Variants in ERAP2 observed in about 807,000 individuals in gnomAD.
The protein encoded by ERAP2 is leukocyte-derived arginine aminopeptidase.
Under a neutral mutation model 111.1 loss-of-function variants are expected in ERAP2, and 118 were observed. The observed-to-expected ratio is 1.06, with a 90% CI of 0.92 to 1.24. The LOEUF is 1.24. ERAP2 is among the 50% of genes most tolerant of loss of function. ERAP2 has a pLI of 0.00. For missense variants in ERAP2, 1,131 were observed against 1,125.8 expected (o/e 1.00, Z -0.07); for synonymous variants, 410 against 401.2 (o/e 1.02, Z -0.26).
At chr5:96,907,979 A>G (rs564100572) in intron 13 of ERAP2, among the ~76,000 whole-genome samples, 7 of 152,306 alleles carry the variant, frequency 4.6e-5, no homozygotes, top group East Asian at 1.9e-4. Context: ...AAAAATTTCC[A>G]TAAGTCTGTT....
intron 3 of ERAP2, among the ~76,000 whole-genome samples, chr5:96,885,338 C>T (rs1274224229): frequency 1.3e-5 from 2 of 152,182 alleles, no homozygotes; most frequent in African/African-American, 4.8e-5. Flanking sequence ...ATCCAGAGAA[C>T]ACTGGTTGAA....
intron 9 of ERAP2, among the ~76,000 whole-genome samples, chr5:96,898,845 C>T (rs922495870): frequency 6.6e-6 from 1 of 152,174 alleles, no homozygotes; most frequent in East Asian, 1.9e-4. Flanking sequence ...TCCATGCTTC[C>T]GCTTAAGCTT....
At chr5:96,876,621 G>A (rs1561350986) in intron 1 of ERAP2, 94 bp downstream of exon 1, 1 of 152,356 alleles carries the variant, frequency 6.6e-6, no homozygotes, top group African/African-American at 2.4e-5. Context: ...GTGTTGAGAA[G>A]GTTTTGTAAT....
At position 96,891,471 on chromosome 5, in the gene ERAP2, G is replaced by T. The variant is rs528687823; in HGVS notation, c.971-828G>T. Among the ~76,000 whole-genome samples, 72 of 101,434 alleles carry T rather than the reference G, an allele frequency of 7.1e-4. No individual in the cohort carries two copies. The South Asian group carries it at 0.025, about 36-fold the overall frequency. 66.5% of individuals were successfully genotyped at this position (101,434 alleles called of 152,430 possible). A position where few individuals can be genotyped will look rare whatever the true frequency, so the allele number is the denominator to read the frequency against. Reference sequence around the variant, plus strand: ...TATATACACACACACACATATACAGGTATATATATATATGTGTGTGTGTGT... The same window carrying T: ...TATATACACACACACACATATACAGTTATATATATATATGTGTGTGTGTGT... On this transcript the variant is annotated intron_variant, in intron 5 of 18. Transcript: ENST00000437043.
Position 96,888,399 on chromosome 5 carries a change from G to A in ERAP2, c.850-786G>A, listed in dbSNP as rs115790174. On this transcript the variant is annotated intron_variant, in intron 4 of 18. Coordinates refer to ENST00000437043, the MANE Select transcript of ERAP2 (RefSeq NM_022350.5). ...CTACAACTTTCAGCCTGGGTGATCT[G>A]GAGCAAGTTACTAAATCATTATGTG... Among the ~76,000 whole-genome samples, 580 of 152,288 alleles carry A rather than the reference G, an allele frequency of 3.8e-3. 1 individual carries two copies. The highest frequency in any genetic ancestry group is 4.7e-3 in the Non-Finnish European group (320 of 68,014).
Position 96,919,459 on chromosome 5 carries a change from A to G in ERAP2, c.*1854A>G, listed in dbSNP as rs1787755216. 1 of 152,334 alleles carries G rather than the reference A, an allele frequency of 6.6e-6. No individual in the cohort carries two copies. The highest frequency in any genetic ancestry group is 2.4e-5 in the African/African-American group (1 of 41,452). 9.4% of individuals were successfully genotyped at this position (152,334 alleles called of 1,614,324 possible). ...TACTGGTTTTTTTCAACAAGACCAT[A>G]TGTAAATTAAATAGTGAAATGTGTA... On this transcript the variant is annotated 3_prime_UTR_variant, in exon 19 of 19. Transcript: ENST00000437043.
chr5:96,898,790 C>G (rs1368367610), intron 9 of ERAP2, among the ~76,000 whole-genome samples: 2 of 151,864 alleles, frequency 1.3e-5, no homozygotes, highest in Non-Finnish European at 2.9e-5. Context: ...ATGCTCTTTA[C>G]TATCCATTTC....
At position 96,903,576 on chromosome 5, in the gene ERAP2, C is replaced by T. The variant is rs769741529; in HGVS notation, c.2012+16C>T. 20 of 1,580,314 alleles carry T rather than the reference C, an allele frequency of 1.3e-5. No individual in the cohort carries two copies. In the Admixed American group the frequency reaches 2.4e-4, roughly 19 times the overall value. On this transcript the variant is annotated intron_variant, in intron 13 of 18. Coordinates refer to ENST00000437043, the MANE Select transcript of ERAP2 (RefSeq NM_022350.5). ...AGCTAGTTGGGTAAGGCAACATTTCCTCTGACTTCATGCAAAATAACTGAT... is the reference window on the plus strand; with the variant it reads ...AGCTAGTTGGGTAAGGCAACATTTCTTCTGACTTCATGCAAAATAACTGAT...
At chr5:96,905,876 CA>C (rs1443911725) in intron 13 of ERAP2, among the ~76,000 whole-genome samples, 1 of 151,296 alleles carries the variant, frequency 6.6e-6, no homozygotes, top group Admixed American at 6.6e-5. Flanking sequence ...AACAAACAAA[CA>C]AAAAAGAATC....
chr5:96,903,226 A>G, intron 12 of ERAP2, 151 bp from the exon 13 acceptor site: 1 of 579,796 alleles, frequency 1.7e-6, no homozygotes, highest in African/African-American at 1.9e-5. Context: ...GAAATCATCC[A>G]GTGAACTACG....
chr5:96,899,811 T>C (rs1447933571), intron 9 of ERAP2, among the ~76,000 whole-genome samples: 1 of 152,186 alleles, frequency 6.6e-6, no homozygotes, highest in East Asian at 1.9e-4. Flanking sequence ...AGGACCTTTC[T>C]TAAGGGAAAG....
intron 5 of ERAP2, 112 bp from the exon 6 acceptor site, chr5:96,892,187 A>G (rs1784453895): frequency 3.6e-6 from 4 of 1,112,746 alleles, no homozygotes; most frequent in Non-Finnish European, 5.2e-6. Context: ...TGATGTTTTC[A>G]AAAAGTCTGC....
intron 4 of ERAP2, among the ~76,000 whole-genome samples, chr5:96,887,913 G>A (rs1783928049): frequency 6.6e-6 from 1 of 152,174 alleles, no homozygotes; most frequent in Non-Finnish European, 1.5e-5. Context: ...ATCGCCTGAG[G>A]TCAGGAGTTT....
At position 96,919,265 on chromosome 5, in the gene ERAP2, T is replaced by C. The variant is rs984412144; in HGVS notation, c.*1660T>C. On this transcript the variant is annotated 3_prime_UTR_variant, in exon 19 of 19. Transcript: ENST00000437043. ...TGGCCATGGATGTGCCCCAATACAGTACACATTTTTTGGTTAAATTTGTTT... is the reference window on the plus strand; with the variant it reads ...TGGCCATGGATGTGCCCCAATACAGCACACATTTTTTGGTTAAATTTGTTT... The C allele has an allele frequency of 2.0e-5, 3 of 152,354 alleles. No homozygotes were observed. Among genetic ancestry groups the C allele is most frequent in the Admixed American group, 1.3e-4 (2 of 15,282 alleles). 9.4% of individuals were successfully genotyped at this position (152,354 alleles called of 1,614,324 possible).
At chr5:96,908,126 C>T (rs989511714) in intron 13 of ERAP2, among the ~76,000 whole-genome samples, 7 of 152,124 alleles carry the variant, frequency 4.6e-5, no homozygotes, top group African/African-American at 1.7e-4. Flanking sequence ...AGGTAGAGCA[C>T]TATGTTAATG....
chr5:96,913,297 A>T lies in ERAP2; in HGVS notation c.2517-20A>T. ...ACATAATACCTACTATTTAGAAACA[A>T]ATTATTTTTCTTTCTTCAGGTTAAT... On this transcript the variant is annotated intron_variant, in intron 16 of 18. Transcript: ENST00000437043. 2 of 1,607,424 alleles carry T rather than the reference A, an allele frequency of 1.2e-6. No individual in the cohort carries two copies. The highest frequency in any genetic ancestry group is 1.7e-6 in the Non-Finnish European group (2 of 1,175,018).
At chr5:96,897,690 A>G (rs1785004326) in intron 9 of ERAP2, among the ~76,000 whole-genome samples, 1 of 152,210 alleles carries the variant, frequency 6.6e-6, no homozygotes, top group Non-Finnish European at 1.5e-5. Flanking sequence ...CAGTTAATTC[A>G]GATGATTCTA....
At chr5:96,914,343 G>C (rs73152130) in intron 17 of ERAP2, among the ~76,000 whole-genome samples, 3,242 of 152,224 alleles carry the variant, frequency 0.021, 121 homozygotes, top group African/African-American at 0.074. Context: ...TTTCATAGCC[G>C]TGGAAGGTTT....
intron 3 of ERAP2, 129 bp from the exon 4 acceptor site, chr5:96,886,526 C>A (rs1783733461): frequency 6.5e-6 from 4 of 614,810 alleles, no homozygotes; most frequent in Non-Finnish European, 9.7e-6. Context: ...AGGCCATTGC[C>A]CCCCTAGGAG....
Sources: allele counts gnomAD v4.1 joint callset (sites outside exome capture counted in the v4.1 genomes callset), GRCh38; gene constraint gnomAD v4.1.1; transcripts MANE v1.5; gene names NCBI Gene and HGNC (gene_info 2026-07-23, HGNC 2026-07-21).